Variants in TRDN observed in about 807,000 individuals in gnomAD.
TRDN encodes the protein triadin.
Under a neutral mutation model 149.7 loss-of-function variants are expected in TRDN, and 161 were observed. The ratio of observed to expected loss-of-function variants is 1.08; its 90% CI spans 0.95 to 1.23. TRDN has a LOEUF of 1.23. TRDN is among the 50% of genes most tolerant of loss of function. TRDN has a pLI of 0.00. For synonymous variants in TRDN, 294 were observed against 250.5 expected, an observed-to-expected ratio of 1.17 and a Z score of -1.64; for missense variants, 896 against 823.5, an observed-to-expected ratio of 1.09 and a Z score of -1.08.
intron 6 of TRDN, among the ~76,000 whole-genome samples, chr6:123,515,059 C>T (rs758143673): frequency 2.6e-5 from 4 of 151,816 alleles, no homozygotes; most frequent in Non-Finnish European, 5.9e-5. Context: ...CAAACCTGGA[C>T]ATGTATCCCA....
chr6:123,466,490 T>A (rs1776823830), intron 9 of TRDN, among the ~76,000 whole-genome samples: 1 of 152,256 alleles, frequency 6.6e-6, no homozygotes, highest in Non-Finnish European at 1.5e-5. Flanking sequence ...GGTTCCCAAG[T>A]TGCAATTCTT....
chr6:123,512,292 T>C lies in TRDN; in HGVS notation c.610+11A>G. On this transcript the variant is annotated intron_variant, in intron 7 of 40. Coordinates refer to ENST00000334268, the MANE Select transcript of TRDN (RefSeq NM_006073.4). ...GAATTTAGTTATGGAAATAATAAAT[T>C]GAAAAGTTACCTTTCGCCAGTGTCT... 2 of 1,399,878 alleles carry C rather than the reference T, an allele frequency of 1.4e-6. No individual in the cohort carries two copies. Among genetic ancestry groups the C allele is most frequent in the Non-Finnish European group, 2.0e-6 (2 of 1,015,650 alleles). The allele number at this position is 1,399,878 out of a possible 1,614,324, so 86.7% of individuals were successfully genotyped here.
At chr6:123,423,774 C>A (rs902704128) in intron 12 of TRDN, among the ~76,000 whole-genome samples, 6 of 152,058 alleles carry the variant, frequency 3.9e-5, no homozygotes, top group Admixed American at 2.0e-4. Flanking sequence ...TATGGGGCAG[C>A]ATTATTTTCA....
At chr6:123,456,034 C>T (rs769382586) in intron 10 of TRDN, among the ~76,000 whole-genome samples, 1 of 152,060 alleles carries the variant, frequency 6.6e-6, no homozygotes, top group South Asian at 2.1e-4. Context: ...CATACATTAC[C>T]TTAAAGTACT....
intron 4 of TRDN, 85 bp downstream of exon 4, chr6:123,547,250 TTAAAA>T (rs1781156208): frequency 1.2e-6 from 1 of 813,294 alleles, no homozygotes; most frequent in Non-Finnish European, 1.8e-6. Flanking sequence ...AACCTTTATA[TTAAAA>T]TAAGTAAAAT....
chr6:123,370,876 A>AT (rs537982096), intron 19 of TRDN, among the ~76,000 whole-genome samples: 7 of 115,914 alleles, frequency 6.0e-5, no homozygotes, highest in Non-Finnish European at 9.2e-5. Context: ...TCTAGTGCCC[A>AT]TTTTTTTTTC....
chr6:123,466,090 A>G (rs1776794891), intron 9 of TRDN, among the ~76,000 whole-genome samples: 1 of 152,230 alleles, frequency 6.6e-6, no homozygotes, highest in African/African-American at 2.4e-5. Flanking sequence ...AAGTATGTAT[A>G]GAAGCCAAAC....
At chr6:123,408,954 C>T (rs1005950944) in intron 12 of TRDN, among the ~76,000 whole-genome samples, 10 of 152,236 alleles carry the variant, frequency 6.6e-5, no homozygotes, top group African/African-American at 1.9e-4. Flanking sequence ...AAATGTTACC[C>T]TCCTAAGACT....
chr6:123,555,547 A>T (rs1222947008), intron 2 of TRDN, among the ~76,000 whole-genome samples: 1 of 152,106 alleles, frequency 6.6e-6, no homozygotes, highest in Non-Finnish European at 1.5e-5. Flanking sequence ...TGCAGGAAGG[A>T]TGGCTATATT....
At chr6:123,306,511 C>G (rs1778616671) in intron 24 of TRDN, among the ~76,000 whole-genome samples, 1 of 151,964 alleles carries the variant, frequency 6.6e-6, no homozygotes, top group South Asian at 2.1e-4. Flanking sequence ...ACTCAGGGCA[C>G]AAAACAGGGC....
intron 24 of TRDN, among the ~76,000 whole-genome samples, chr6:123,298,906 G>A (rs1431624137): frequency 6.6e-6 from 1 of 151,982 alleles, no homozygotes; most frequent in East Asian, 1.9e-4. Flanking sequence ...ACATGTATAA[G>A]TTTATATATG....
At chr6:123,454,824 C>A (rs1032811366) in intron 10 of TRDN, among the ~76,000 whole-genome samples, 2 of 152,220 alleles carry the variant, frequency 1.3e-5, no homozygotes, top group Non-Finnish European at 2.9e-5. Flanking sequence ...TGAAGTGGAA[C>A]AGTTTCATCC....
At chr6:123,384,475 G>A (rs1781834536) in intron 14 of TRDN, among the ~76,000 whole-genome samples, 1 of 151,992 alleles carries the variant, frequency 6.6e-6, no homozygotes, top group Non-Finnish European at 1.5e-5. Flanking sequence ...GGGAAATGTG[G>A]GAACACAGAG....
At chr6:123,392,516 A>G (rs1772530518) in intron 13 of TRDN, among the ~76,000 whole-genome samples, 1 of 151,984 alleles carries the variant, frequency 6.6e-6, no homozygotes, top group African/African-American at 2.4e-5. Flanking sequence ...TGAGGAACTC[A>G]CCCTGACCTG....
chr6:123,332,379 A>G (rs958480825), intron 22 of TRDN, among the ~76,000 whole-genome samples: 2 of 152,080 alleles, frequency 1.3e-5, no homozygotes, highest in African/African-American at 4.8e-5. Context: ...TTTAGTCTTC[A>G]GACTCAAACT....
chr6:123,318,847 T>C (rs144259371), intron 23 of TRDN, among the ~76,000 whole-genome samples: 6 of 152,188 alleles, frequency 3.9e-5, no homozygotes, highest in African/African-American at 1.4e-4. Context: ...TTCGATCTTG[T>C]ACACAGAATT....
At position 123,404,346 on chromosome 6, in the gene TRDN, A is replaced by G. The variant is rs556116645; in HGVS notation, c.1052-10669T>C. Among the ~76,000 whole-genome samples, 7 of 152,318 alleles carry G rather than the reference A, an allele frequency of 4.6e-5. No homozygotes were observed. In the South Asian group the frequency reaches 1.4e-3, roughly 32 times the overall value. ...ATGTGTGGGAAAATATGCAGTTAGT[A>G]TTTGAGATGTAATATCACTGAATTA... On this transcript the variant is annotated intron_variant, in intron 12 of 40. Transcript: ENST00000334268.
intron 1 of TRDN, among the ~76,000 whole-genome samples, chr6:123,596,453 T>A (rs1000557298): frequency 1.2e-4 from 19 of 152,110 alleles, no homozygotes; most frequent in African/African-American, 4.1e-4. Context: ...AGATGATGGA[T>A]GAAAATGGCT....
chr6:123,492,201 C>A (rs1296381871), intron 9 of TRDN, among the ~76,000 whole-genome samples: 2 of 151,996 alleles, frequency 1.3e-5, no homozygotes, highest in African/African-American at 4.8e-5. Flanking sequence ...GAATAAATTA[C>A]CGTGACATAA....
Sources: gnomAD v4.1 joint callset for allele counts (sites outside exome capture counted in the v4.1 genomes callset) on GRCh38, gnomAD v4.1.1 for gene constraint, MANE v1.5 for transcripts, NCBI Gene and HGNC (gene_info 2026-07-23, HGNC 2026-07-21) for gene names.